Variants in CMKLR1 observed in about 807,000 individuals in gnomAD.
CMKLR1 encodes the protein chemerin chemokine-like receptor 1, also known as chemerin-like receptor 1.
Under a neutral mutation model 8.2 loss-of-function variants are expected in CMKLR1, and 6 were observed. That is an observed-to-expected ratio of 0.73 (90% confidence interval 0.40 to 1.44). The LOEUF (loss-of-function observed/expected upper bound fraction) is 1.44. Among genes scored for constraint, CMKLR1 ranks in the 40% most tolerant of loss-of-function variants. The probability of loss-of-function intolerance (pLI) is 0.02; values close to 1 mark genes in which losing one functional copy is unlikely to be tolerated. For missense variants in CMKLR1, 429 were observed against 478.0 expected (o/e 0.90, Z 0.96); for synonymous variants, 178 against 181.2 (o/e 0.98, Z 0.14).
chr12:108,329,740 T>G (rs1342443275), intron 2 of CMKLR1, among the ~76,000 whole-genome samples: 1 of 152,184 alleles, frequency 6.6e-6, no homozygotes, highest in Non-Finnish European at 1.5e-5. Flanking sequence ...TGTCTCCCAC[T>G]CAACAGGAGC....
intron 2 of CMKLR1, among the ~76,000 whole-genome samples, chr12:108,310,421 G>T (rs1288498446): frequency 6.6e-6 from 1 of 152,140 alleles, no homozygotes; most frequent in Non-Finnish European, 1.5e-5. Context: ...AATAGCAAGA[G>T]GCCTGGTGAA....
chr12:108,296,344 A>G (rs1467345081), intron 2 of CMKLR1, among the ~76,000 whole-genome samples: 1 of 152,232 alleles, frequency 6.6e-6, no homozygotes, highest in East Asian at 1.9e-4. Flanking sequence ...AGTGCTTGGA[A>G]CAGGTCCCCT....
Position 108,292,828 on chromosome 12 carries a change from C to T in CMKLR1, c.135G>A (p.Val45=), listed in dbSNP as rs771231971. The change falls in exon 4 of 4, where the codon GTG becomes GTA. Residue 45 remains valine, a synonymous_variant. Transcript: ENST00000550402. ...CGAGGAAGCAGACGATGCTGTAGAC[C>T]ACCACCAGGAAGATCCTGGTCACCC... is the stretch of plus-strand genomic sequence containing the variant. ...EARVTRIFLV[V]VYSIVCFLGI... The T allele has an allele frequency of 5.5e-5, 88 of 1,614,014 alleles. No individual in the cohort carries two copies. Among genetic ancestry groups the T allele is most frequent in the South Asian group, 1.6e-4 (15 of 91,082 alleles).
chr12:108,290,076 A>AGGCTGTTAAT lies in CMKLR1; in HGVS notation c.*1755_*1764dup, dbSNP rs1377348073. The AGGCTGTTAAT allele has an allele frequency of 1.3e-5, 2 of 152,246 alleles. No individual in the cohort carries two copies. Among genetic ancestry groups the AGGCTGTTAAT allele is most frequent in the African/African-American group, 2.4e-5 (1 of 41,464 alleles). The allele number at this position is 152,246 out of a possible 1,614,324, so 9.4% of individuals were successfully genotyped here. ...CATAGGAGGTGGGAGCCACGGTAGG[A>AGGCTGTTAAT]GGCTGTTAATGGCTGTTGAGGGAGC... On this transcript the variant is annotated 3_prime_UTR_variant, in exon 4 of 4. Coordinates refer to ENST00000550402, the MANE Select transcript of CMKLR1 (RefSeq NM_001142343.2).
intron 2 of CMKLR1, among the ~76,000 whole-genome samples, chr12:108,321,618 GC>G (rs1308197750): frequency 6.6e-6 from 1 of 152,062 alleles, no homozygotes; most frequent in African/African-American, 2.4e-5. Context: ...CCTGTCTCAG[GC>G]TCTGCTTCAG....
At chr12:108,326,657 G>T (rs1354373975) in intron 2 of CMKLR1, among the ~76,000 whole-genome samples, 1 of 152,200 alleles carries the variant, frequency 6.6e-6, no homozygotes, top group African/African-American at 2.4e-5. Flanking sequence ...GGTCAGCCTG[G>T]GCGATGTGGC....
intron 2 of CMKLR1, among the ~76,000 whole-genome samples, chr12:108,314,499 C>A (rs58994859): frequency 0.017 from 2,649 of 152,332 alleles, 80 homozygotes; most frequent in African/African-American, 0.06. Flanking sequence ...CAAACACTCA[C>A]TGATGGACAG....
intron 2 of CMKLR1, among the ~76,000 whole-genome samples, chr12:108,315,195 T>C (rs1175096793): frequency 6.6e-6 from 1 of 152,110 alleles, no homozygotes; most frequent in African/African-American, 2.4e-5. Context: ...AGTGCTGGGA[T>C]TACAGGTGTG....
chr12:108,313,670 G>A (rs796762005), intron 2 of CMKLR1, among the ~76,000 whole-genome samples: 24 of 152,340 alleles, frequency 1.6e-4, no homozygotes, highest in African/African-American at 5.3e-4. Context: ...ATCAGGGCCC[G>A]CTGGTCACTC....
At chr12:108,293,520 C>A in intron 3 of CMKLR1, 69 bp downstream of exon 3, 3 of 1,519,280 alleles carry the variant, frequency 2.0e-6, no homozygotes, top group Non-Finnish European at 1.8e-6. Context: ...TTGTTGTGAT[C>A]CCCCTGTGCA....
chr12:108,302,572 C>T (rs971432532), intron 2 of CMKLR1, among the ~76,000 whole-genome samples: 2 of 152,150 alleles, frequency 1.3e-5, no homozygotes, highest in Non-Finnish European at 2.9e-5. Context: ...CCATCAAGGA[C>T]CCTGGGAACA....
chr12:108,293,920 C>G (rs962937245), intron 2 of CMKLR1, among the ~76,000 whole-genome samples: 2 of 152,156 alleles, frequency 1.3e-5, no homozygotes, highest in African/African-American at 4.8e-5. Context: ...CCTCTCCCAG[C>G]ACATCCCTAG....
At chr12:108,311,669 A>C (rs1469601664) in intron 2 of CMKLR1, among the ~76,000 whole-genome samples, 1 of 152,170 alleles carries the variant, frequency 6.6e-6, no homozygotes, top group Non-Finnish European at 1.5e-5. Context: ...TAAGGGGAAA[A>C]GGCAGCATAG....
chr12:108,324,359 C>A (rs139731559), intron 2 of CMKLR1, among the ~76,000 whole-genome samples: 2 of 152,150 alleles, frequency 1.3e-5, no homozygotes, highest in Non-Finnish European at 2.9e-5. Context: ...AGCTGTGTGA[C>A]CTTGGGCAAG....
intron 2 of CMKLR1, among the ~76,000 whole-genome samples, chr12:108,328,036 C>T (rs1394118466): frequency 2.0e-5 from 3 of 152,156 alleles, no homozygotes; most frequent in Admixed American, 2.0e-4. Context: ...CAGTTCTCTC[C>T]CCTCCCCAGA....
intron 2 of CMKLR1, among the ~76,000 whole-genome samples, chr12:108,307,031 C>T (rs1221278225): frequency 1.3e-5 from 2 of 152,200 alleles, no homozygotes; most frequent in Non-Finnish European, 2.9e-5. Context: ...TAAACACCGC[C>T]CCAGCCCCTG....
At chr12:108,321,635 C>T (rs946143216) in intron 2 of CMKLR1, among the ~76,000 whole-genome samples, 3 of 152,124 alleles carry the variant, frequency 2.0e-5, no homozygotes, top group Admixed American at 6.5e-5. Context: ...TTCAGGGAAA[C>T]CCAATCTGAG....
chr12:108,306,324 G>A (rs111856945), intron 2 of CMKLR1, among the ~76,000 whole-genome samples: 2,855 of 152,250 alleles, frequency 0.019, 32 homozygotes, highest in Non-Finnish European at 0.03. Flanking sequence ...GACCCGGAGC[G>A]TGGTAGGGAT....
chr12:108,314,244 G>A (rs1483781182), intron 2 of CMKLR1, among the ~76,000 whole-genome samples: 3 of 152,262 alleles, frequency 2.0e-5, no homozygotes, highest in East Asian at 3.9e-4. Flanking sequence ...GAAATGCAGG[G>A]GACACAGAAG....
Sources: allele counts gnomAD v4.1 joint callset (sites outside exome capture counted in the v4.1 genomes callset), GRCh38; gene constraint gnomAD v4.1.1; transcripts MANE v1.5; gene names NCBI Gene and HGNC (gene_info 2026-07-23, HGNC 2026-07-21).